The following FAM90A20 variants were observed in gnomAD, a reference collection of about 807,000 sequenced individuals.
FAM90A20 encodes the protein protein FAM90A20.
At chr8:7,295,711 G>A in the FAM90A20 span, 3 of 845,142 alleles carry the variant, frequency 3.5e-6, no homozygotes, top group South Asian at 4.0e-5. Context: ...AGGCAGCCCT[G>A]GTTCCAGCGA....
the FAM90A20 span, chr8:7,297,490 G>T: frequency 1.6e-5 from 25 of 1,534,754 alleles, 2 homozygotes; most frequent in Admixed American, 1.7e-4. Flanking sequence ...TCAGCTTTGG[G>T]TCAGGAGCCA....
the FAM90A20 span, chr8:7,296,419 T>A: frequency 6.8e-6 from 5 of 731,790 alleles, 1 homozygote; most frequent in Non-Finnish European, 1.2e-5. Context: ...CCCGGGCCCC[T>A]GGTCCTTTTA....
chr8:7,297,595 A>T, the FAM90A20 span: 19 of 1,491,176 alleles, frequency 1.3e-5, 6 homozygotes, highest in African/African-American at 2.9e-4. Context: ...CCATCCAGGG[A>T]GGTGAGCTGG....
At chr8:7,297,759 C>A in the FAM90A20 span, 12 of 1,475,802 alleles carry the variant, frequency 8.1e-6, 1 homozygote, top group African/African-American at 4.1e-5. Flanking sequence ...CAGGCCTGCA[C>A]CATGTCCCAT....
chr8:7,295,986 A>T, the FAM90A20 span, among the ~76,000 whole-genome samples: 3 of 127,832 alleles, frequency 2.3e-5, no homozygotes, highest in Non-Finnish European at 4.6e-5. Flanking sequence ...GGGGTTCCAC[A>T]CCCAGGAGCT....
At chr8:7,297,901 C>T in the FAM90A20 span, 46 of 737,602 alleles carry the variant, frequency 6.2e-5, no homozygotes, top group Admixed American at 3.3e-4. Flanking sequence ...GAGCCTTCCT[C>T]GCTCAGAGCC....
At chr8:7,297,316 A>C in the FAM90A20 span, 1 of 1,358,352 alleles carries the variant, frequency 7.4e-7, no homozygotes, top group East Asian at 2.3e-5. Flanking sequence ...TGGAGCCGAC[A>C]CACAGCAGCC....
At chr8:7,297,643 C>A in the FAM90A20 span, 12 of 1,400,620 alleles carry the variant, frequency 8.6e-6, no homozygotes, top group Admixed American at 5.1e-5. Context: ...CAGCCGCAAC[C>A]GAACTTGGAC....
the FAM90A20 span, chr8:7,297,474 C>G: frequency 3.4e-5 from 52 of 1,542,012 alleles, 5 homozygotes; most frequent in South Asian, 5.3e-4. Flanking sequence ...GGCCTAGGCT[C>G]CAATCTCAGC....
the FAM90A20 span, chr8:7,297,268 T>C: frequency 2.1e-6 from 3 of 1,401,552 alleles, no homozygotes; most frequent in Non-Finnish European, 2.0e-6. Flanking sequence ...TCCCTCGGCC[T>C]GCAGTCAGGC....
chr8:7,296,741 C>T, the FAM90A20 span, among the ~76,000 whole-genome samples: 1 of 135,860 alleles, frequency 7.4e-6, no homozygotes. Flanking sequence ...CTTGAGCCAC[C>T]AACCTGCCTT....
At chr8:7,297,296 C>G in the FAM90A20 span, 434 of 1,342,296 alleles carry the variant, frequency 3.2e-4, 28 homozygotes, top group Middle Eastern at 7.5e-4. Context: ...CCACGAGACT[C>G]TCCTCGTGGT....
At chr8:7,296,121 C>T in the FAM90A20 span, among the ~76,000 whole-genome samples, 2 of 131,032 alleles carry the variant, frequency 1.5e-5, no homozygotes, top group Non-Finnish European at 1.5e-5. Context: ...AGAGGGCCAC[C>T]TGGAGGATGG....
the FAM90A20 span, chr8:7,297,605 G>A: frequency 2.5e-5 from 36 of 1,465,734 alleles, 7 homozygotes; most frequent in African/African-American, 3.5e-4. Context: ...AGGTGAGCTG[G>A]GGGCCCCGGA....
At chr8:7,297,985 TTCC>T in the FAM90A20 span, 5 of 679,832 alleles carry the variant, frequency 7.4e-6, no homozygotes, top group South Asian at 1.6e-5. Context: ...ACCTTCAGGT[TTCC>T]TCCTCCTCAG....
At chr8:7,297,185 C>T in the FAM90A20 span, 2 of 1,538,454 alleles carry the variant, frequency 1.3e-6, no homozygotes, top group Non-Finnish European at 1.8e-6. Flanking sequence ...ACTGTCTCCC[C>T]TCAGAAAAGC....
chr8:7,297,078 T>G, the FAM90A20 span: 1 of 1,510,786 alleles, frequency 6.6e-7, no homozygotes, highest in Non-Finnish European at 8.9e-7. Context: ...AGGGGGCCAA[T>G]GCCGGTCCAC....
At chr8:7,295,999 T>C in the FAM90A20 span, among the ~76,000 whole-genome samples, 2 of 128,322 alleles carry the variant, frequency 1.6e-5, 1 homozygote, top group Non-Finnish European at 3.1e-5. Context: ...CAGGAGCTCC[T>C]TGGGCTCTGG....
the FAM90A20 span, chr8:7,295,845 G>A: frequency 1.4e-6 from 1 of 730,566 alleles, no homozygotes. Flanking sequence ...GCAGTGGGAG[G>A]GGTTTTCACC....
Sources: allele counts gnomAD v4.1 joint callset (sites outside exome capture counted in the v4.1 genomes callset), GRCh38; gene constraint gnomAD v4.1.1; transcripts MANE v1.5; gene names NCBI Gene and HGNC (gene_info 2026-07-23, HGNC 2026-07-21).